Variants in PILRA observed in about 807,000 individuals in gnomAD.
PILRA encodes paired immunoglobulin-like type 2 receptor alpha.
Under a neutral mutation model 33.1 loss-of-function variants are expected in PILRA, and 37 were observed. The observed-to-expected ratio is 1.12, with a 90% CI of 0.86 to 1.47. The LOEUF (loss-of-function observed/expected upper bound fraction) is 1.47. Among genes scored for constraint, PILRA ranks in the 40% most tolerant of loss-of-function variants. PILRA has a pLI of 0.00. For missense variants in PILRA, 312 were observed against 376.2 expected (o/e 0.83, Z 1.41); for synonymous variants, 146 against 149.9 (o/e 0.97, Z 0.19).
At chr7:100,382,325 T>G (rs1411667468) in intron 2 of PILRA, among the ~76,000 whole-genome samples, 1 of 152,194 alleles carries the variant, frequency 6.6e-6, no homozygotes, top group Admixed American at 6.5e-5. Context: ...GCTCAGGGTT[T>G]GCATATGCAC....
chr7:100,373,787 A>G, intron 1 of PILRA, 67 bp downstream of exon 1: 1 of 1,591,098 alleles, frequency 6.3e-7, no homozygotes. Flanking sequence ...CCCGAGACAA[A>G]GGTGGGACAT....
At chr7:100,399,752 T>C (rs1430420356) in intron 6 of PILRA, 33 bp from the exon 7 acceptor site, 1 of 1,609,590 alleles carries the variant, frequency 6.2e-7, no homozygotes, top group African/African-American at 1.3e-5. Context: ...CCGTCTCCAC[T>C]GTCTAACCCT....
chr7:100,374,494 G>C, intron 2 of PILRA, 61 bp downstream of exon 2: 1 of 1,596,384 alleles, frequency 6.3e-7, no homozygotes, highest in Non-Finnish European at 8.6e-7. Context: ...ATGATCACTG[G>C]TGACATCGTC....
In PILRA at chr7:100,374,218, C is replaced by T. The variant is rs1790891334; in HGVS notation, c.239C>T (p.Ser80Phe). 1 of 1,614,034 alleles carries T rather than the reference C, an allele frequency of 6.2e-7. No individual in the cohort carries two copies. The highest frequency in any genetic ancestry group is 1.7e-5 in the Admixed American group (1 of 60,006). Residue 80 changes from serine (S) to phenylalanine (F), a missense_variant, in exon 2 of 7, where the codon TCC becomes TTC. By Grantham distance (155) the Ser-to-Phe change is radical. Transcript: ENST00000198536. ...SWRRGHFHRQSFYSTRPPSIH... is the reference protein window; with the variant it reads ...SWRRGHFHRQFFYSTRPPSIH... Reference sequence around the variant, plus strand: ...AGACGGGGCCACTTCCACAGGCAGTCCTTCTACAGCACAAGGCCGCCTTCC... The same window carrying T: ...AGACGGGGCCACTTCCACAGGCAGTTCTTCTACAGCACAAGGCCGCCTTCC...
At chr7:100,390,663 G>T (rs1320786368) in intron 3 of PILRA, among the ~76,000 whole-genome samples, 1 of 152,144 alleles carries the variant, frequency 6.6e-6, no homozygotes, top group African/African-American at 2.4e-5. Flanking sequence ...TAATCAGAGA[G>T]GACTTCCCAG....
At chr7:100,391,815 C>A (rs1791396222) in intron 3 of PILRA, among the ~76,000 whole-genome samples, 1 of 152,192 alleles carries the variant, frequency 6.6e-6, no homozygotes, top group Non-Finnish European at 1.5e-5. Context: ...GAGAGGAGAT[C>A]ATGCTTGGAG....
chr7:100,390,982 G>C (rs2130220970), intron 3 of PILRA, among the ~76,000 whole-genome samples: 1 of 151,956 alleles, frequency 6.6e-6, no homozygotes, highest in South Asian at 2.1e-4. Context: ...GGTGGAAAGA[G>C]GAAAAGGGCC....
chr7:100,399,230 C>T (rs1337423438), intron 4 of PILRA, 61 bp from the exon 5 acceptor site: 2 of 1,251,676 alleles, frequency 1.6e-6, no homozygotes, highest in African/African-American at 1.5e-5. Context: ...TGCCACCACC[C>T]AGCCCATGTC....
intron 2 of PILRA, among the ~76,000 whole-genome samples, chr7:100,383,642 TTTTA>T (rs1791175470): frequency 6.6e-6 from 1 of 151,918 alleles, no homozygotes; most frequent in African/African-American, 2.4e-5. Context: ...TTTTTTTTTT[TTTTA>T]ATTTTTTTGT....
At chr7:100,386,520 C>G (rs949278052) in intron 2 of PILRA, among the ~76,000 whole-genome samples, 1 of 151,654 alleles carries the variant, frequency 6.6e-6, no homozygotes, top group Non-Finnish European at 1.5e-5. Flanking sequence ...AAACAAAACA[C>G]AAAAATTTTG....
In PILRA at chr7:100,400,017, C is replaced by T; in HGVS notation, c.*110C>T. On this transcript the variant is annotated 3_prime_UTR_variant, in exon 7 of 7. Coordinates refer to ENST00000198536, the MANE Select transcript of PILRA (RefSeq NM_013439.3). Reference sequence around the variant, plus strand: ...GCAGAATCAAGTGAGCCCAGGAGTTCAGGGCCAGCTTTGATAATGGAGCGA... The same window carrying T: ...GCAGAATCAAGTGAGCCCAGGAGTTTAGGGCCAGCTTTGATAATGGAGCGA... 1 of 1,133,768 alleles carries T rather than the reference C, an allele frequency of 8.8e-7. No individual in the cohort carries two copies. The highest frequency in any genetic ancestry group is 1.2e-6 in the Non-Finnish European group (1 of 835,552). The allele number at this position is 1,133,768 out of a possible 1,614,324, so 70.2% of individuals were successfully genotyped here.
At chr7:100,397,470 G>A (rs1171250356) in intron 3 of PILRA, among the ~76,000 whole-genome samples, 5 of 151,732 alleles carry the variant, frequency 3.3e-5, no homozygotes, top group East Asian at 2.0e-4. Flanking sequence ...AGACATAGCC[G>A]CCACCCAGAA....
chr7:100,399,850 C>T lies in PILRA; in HGVS notation c.855C>T (p.Ser285=). The change falls in exon 7 of 7, where the codon AGC becomes AGT. Residue 285 remains serine (S), a synonymous_variant. Coordinates refer to ENST00000198536, the MANE Select transcript of PILRA (RefSeq NM_013439.3). The stretch of plus-strand genomic sequence containing the variant: ...CCACCTCACCCAGAGCACCTCCCAG[C>T]CACCGTCCCCTCAAGAGCCCCCAGA... ...SSSTSPRAPP[S]HRPLKSPQNE... 1.9e-6 allele frequency: 3 copies of T among 1,613,722 alleles called. No individual in the cohort carries two copies. Among genetic ancestry groups the T allele is most frequent in the Non-Finnish European group, 2.5e-6 (3 of 1,179,806 alleles).
intron 4 of PILRA, 99 bp downstream of exon 4, chr7:100,398,011 C>A: frequency 8.3e-7 from 1 of 1,206,402 alleles, no homozygotes; most frequent in South Asian, 1.2e-5. Context: ...CCCCACAAAC[C>A]CAGCCTGCCA....
intron 2 of PILRA, among the ~76,000 whole-genome samples, chr7:100,383,552 G>C (rs1333232129): frequency 6.6e-6 from 1 of 152,158 alleles, no homozygotes; most frequent in Non-Finnish European, 1.5e-5. Context: ...TGAAAGCCAA[G>C]GAAACAACTC....
intron 2 of PILRA, among the ~76,000 whole-genome samples, chr7:100,386,848 C>CA (rs1165760828): frequency 6.6e-6 from 1 of 151,372 alleles, no homozygotes; most frequent in Non-Finnish European, 1.5e-5. Flanking sequence ...AAAAAACGAC[C>CA]AAAAAACTTT....
Position 100,399,136 on chromosome 7 carries a change from G to A in PILRA, c.708-155G>A, listed in dbSNP as rs186349986. Among the ~76,000 whole-genome samples, 198 of 151,940 alleles carry A rather than the reference G, an allele frequency of 1.3e-3. 1 individual carries two copies. Among genetic ancestry groups the A allele is most frequent in the Middle Eastern group, 3.4e-3 (1 of 294 alleles). The stretch of plus-strand genomic sequence containing the variant: ...GTATTTATTGTAGAGATGGGGTCTC[G>A]CTATGTTGTCCAGGCTGGTCTTGTA... On this transcript the variant is annotated intron_variant, in intron 4 of 6. Transcript: ENST00000198536.
At chr7:100,396,259 T>C (rs973227658) in intron 3 of PILRA, among the ~76,000 whole-genome samples, 1 of 152,220 alleles carries the variant, frequency 6.6e-6, no homozygotes. Flanking sequence ...AACACTATTT[T>C]CAATGGCCAA....
intron 2 of PILRA, among the ~76,000 whole-genome samples, chr7:100,378,182 C>A (rs1790997168): frequency 6.7e-6 from 1 of 149,586 alleles, no homozygotes; most frequent in African/African-American, 2.5e-5. Context: ...AGACCCCCAT[C>A]TCTAAAAAAA....
Sources: allele counts gnomAD v4.1 joint callset (sites outside exome capture counted in the v4.1 genomes callset), GRCh38; gene constraint gnomAD v4.1.1; transcripts MANE v1.5; gene names NCBI Gene and HGNC (gene_info 2026-07-23, HGNC 2026-07-21).